COG7: variants seen among roughly 807,000 people sequenced by gnomAD.
COG7 encodes the protein component of oligomeric golgi complex 7, also known as conserved oligomeric Golgi complex subunit 7.
Under a neutral mutation model 91.5 loss-of-function variants are expected in COG7, and 49 were observed. The ratio of observed to expected loss-of-function variants is 0.54; its 90% confidence interval spans 0.43 to 0.68. The LOEUF is 0.68. Among genes scored for constraint, COG7 ranks in the 30% least tolerant of loss-of-function variants. The pLI is 0.00. For synonymous variants in COG7, 365 were observed against 388.7 expected, an observed-to-expected ratio of 0.94 and a Z score of 0.72; for missense variants, 895 against 961.3, an observed-to-expected ratio of 0.93 and a Z score of 0.91.
At chr16:23,421,237 A>C (rs904609422) in intron 7 of COG7, among the ~76,000 whole-genome samples, 8 of 151,814 alleles carry the variant, frequency 5.3e-5, no homozygotes, top group African/African-American at 1.9e-4. Context: ...AAAAATGTTA[A>C]GGGTAAAATT....
chr16:23,417,074 C>T lies in COG7; in HGVS notation c.1185G>A (p.Val395=). The T allele has an allele frequency of 1.2e-6, 2 of 1,614,228 alleles. No homozygotes were observed. Among genetic ancestry groups the T allele is most frequent in the Non-Finnish European group, 8.5e-7 (1 of 1,180,052 alleles). Residue 395 remains valine (V), a synonymous_variant, in exon 9 of 17, where the codon GTG becomes GTA. Transcript: ENST00000307149. The part of the protein sequence containing the change: ...IDCVQELSHS[V]NKLFGLASAA... ...CAGACGCCAGACCAAACAGCTTGTT[C>T]ACGGAGTGGCTCAGCTCCTGCACAC...
At chr16:23,393,724 G>A (rs1423631795) in intron 14 of COG7, 2 of 270,048 alleles carry the variant, frequency 7.4e-6, no homozygotes, top group South Asian at 3.9e-5. Flanking sequence ...GTCAGAATGT[G>A]TGGGGCCAAG....
intron 10 of COG7, chr16:23,412,233 C>A (rs1180034467): frequency 6.6e-6 from 1 of 152,164 alleles, no homozygotes; most frequent in African/African-American, 2.4e-5. Flanking sequence ...GGTCTGAGAG[C>A]CTAATCGTAT....
chr16:23,410,698 T>A (rs1200135872), intron 10 of COG7, among the ~76,000 whole-genome samples: 1 of 152,080 alleles, frequency 6.6e-6, no homozygotes, highest in Non-Finnish European at 1.5e-5. Context: ...ATCTAAAATT[T>A]ATTATTTATT....
intron 13 of COG7, among the ~76,000 whole-genome samples, chr16:23,401,470 G>T (rs910039693): frequency 6.6e-6 from 1 of 152,200 alleles, no homozygotes; most frequent in Admixed American, 6.5e-5. Context: ...CTGTTTAAAT[G>T]TAGAACTAAG....
chr16:23,444,511 CTT>C (rs11437438), intron 3 of COG7, among the ~76,000 whole-genome samples: 38 of 132,584 alleles, frequency 2.9e-4, no homozygotes, highest in Admixed American at 3.9e-4. Context: ...TTTTCTTCTT[CTT>C]TTTTTTTTTT....
chr16:23,445,645 C>T (rs951244739), intron 2 of COG7, among the ~76,000 whole-genome samples, 168 bp downstream of exon 2: 2 of 151,678 alleles, frequency 1.3e-5, no homozygotes, highest in African/African-American at 4.8e-5. Flanking sequence ...AGCTACAGAG[C>T]GACACTCTGT....
intron 13 of COG7, among the ~76,000 whole-genome samples, chr16:23,398,399 G>A (rs752833329): frequency 6.6e-6 from 1 of 152,250 alleles, no homozygotes. Context: ...GAACTGTGGG[G>A]TGGGAACTGA....
chr16:23,448,043 T>G (rs1260192795), intron 1 of COG7, among the ~76,000 whole-genome samples: 2 of 152,224 alleles, frequency 1.3e-5, no homozygotes, highest in East Asian at 3.8e-4. Flanking sequence ...TAAATATTTG[T>G]TGACTGACTA....
chr16:23,426,567 G>A (rs1053299422), intron 6 of COG7, among the ~76,000 whole-genome samples: 2 of 152,040 alleles, frequency 1.3e-5, no homozygotes, highest in Non-Finnish European at 2.9e-5. Flanking sequence ...TTAACAGAAT[G>A]AAGGGAAAAT....
intron 6 of COG7, among the ~76,000 whole-genome samples, chr16:23,431,816 A>G: frequency 6.6e-6 from 1 of 150,888 alleles, no homozygotes; most frequent in African/African-American, 2.4e-5. Context: ...CTGAAGAAAA[A>G]AAAAAAAAAA....
Position 23,406,056 on chromosome 16 carries a change from C to T in COG7, c.1662+20G>A. The T allele has an allele frequency of 6.2e-7, 1 of 1,607,944 alleles. No individual in the cohort carries two copies. Among genetic ancestry groups the T allele is most frequent in the Admixed American group, 1.7e-5 (1 of 59,992 alleles). ...AAGAAGCCTTTCATTTGCAAGAATGCCATTCATTTGGTCTCATACCTTAAG... is the reference window on the plus strand; with the variant it reads ...AAGAAGCCTTTCATTTGCAAGAATGTCATTCATTTGGTCTCATACCTTAAG... On this transcript the variant is annotated intron_variant, in intron 12 of 16. Transcript: ENST00000307149.
At position 23,416,995 on chromosome 16, in the gene COG7, A is replaced by G. The variant is rs765230344; in HGVS notation, c.1264T>C (p.Leu422=). 20 of 1,614,094 alleles carry G rather than the reference A, an allele frequency of 1.2e-5. No individual in the cohort carries two copies. The African/African-American group carries it at 2.7e-4, about 22-fold the overall frequency. The stretch of plus-strand genomic sequence containing the variant: ...GCAAAGAGGGATTTCAGGGCTGACA[A>G]CAGGCCGCAGGTCCCCAGGCCATTG... ...FTNGLGTCGL[L]SALKSLFAKY... is the part of the protein sequence containing the mutation. Residue 422 remains leucine (L), a synonymous_variant, in exon 9 of 17, where the codon TTG becomes CTG. Transcript: ENST00000307149.
At chr16:23,391,258 G>A (rs1257199368) in intron 16 of COG7, among the ~76,000 whole-genome samples, 1 of 152,166 alleles carries the variant, frequency 6.6e-6, no homozygotes, top group African/African-American at 2.4e-5. Context: ...GGAATAACAA[G>A]GACAACTGAA....
rs555076880 is a variant in COG7 at position 23,390,503 on chromosome 16, GC to G, written c.2147-1418del. On this transcript the variant is annotated intron_variant, in intron 16 of 16. Transcript: ENST00000307149. ...ACAGGCATGAGCCACCGCGCTCAGT[GC>G]CCCCCCACCGGCTACTTTCTGATCT... Among the ~76,000 whole-genome samples the G allele has an allele frequency of 4.0e-3, 598 of 150,548 alleles. 3 individuals carry two copies. Among genetic ancestry groups the G allele is most frequent in the Middle Eastern group, 6.9e-3 (2 of 288 alleles).
At position 23,445,180 on chromosome 16, in the gene COG7, G is replaced by A. The variant is rs778235470; in HGVS notation, c.319-16C>T. 8.2e-6 allele frequency: 13 copies of A among 1,583,528 alleles called. No individual in the cohort carries two copies. The highest frequency in any genetic ancestry group is 1.1e-5 in the Non-Finnish European group (13 of 1,152,216). ...CTACCAACACCTGAAAGAGGCGTGA[G>A]GGGTGAAAAATGAAGGGGTAGGTCC... On this transcript the variant is annotated splice_polypyrimidine_tract_variant and intron_variant, in intron 2 of 16. Coordinates refer to ENST00000307149, the MANE Select transcript of COG7 (RefSeq NM_153603.4).
At chr16:23,404,031 T>A (rs76862728) in intron 12 of COG7, among the ~76,000 whole-genome samples, 197 bp from the exon 13 acceptor site, 2,095 of 152,332 alleles carry the variant, frequency 0.014, 35 homozygotes, top group African/African-American at 0.047. Context: ...AACTACTGCA[T>A]CAGAGTTCAC....
chr16:23,409,125 G>A (rs1963521516), intron 11 of COG7, among the ~76,000 whole-genome samples: 1 of 151,262 alleles, frequency 6.6e-6, no homozygotes, highest in East Asian at 1.9e-4. Flanking sequence ...GTATGTGGCA[G>A]GCACCTGTAA....
At chr16:23,390,975 T>C (rs1213384630) in intron 16 of COG7, among the ~76,000 whole-genome samples, 2 of 152,238 alleles carry the variant, frequency 1.3e-5, no homozygotes, top group Non-Finnish European at 2.9e-5. Flanking sequence ...TGTTTTTTGT[T>C]CTGTTTGTGC....
Sources: allele counts gnomAD v4.1 joint callset (sites outside exome capture counted in the v4.1 genomes callset), GRCh38; gene constraint gnomAD v4.1.1; transcripts MANE v1.5; gene names NCBI Gene and HGNC (gene_info 2026-07-23, HGNC 2026-07-21).